Variants in PPFIA2 observed in about 807,000 individuals in gnomAD.
PPFIA2 encodes PPFI scaffold protein A2, also known as liprin-alpha-2.
In PPFIA2, 46 loss-of-function variants were observed where a neutral mutation model predicts 175.5. The ratio of observed to expected loss-of-function variants is 0.26; its 90% CI spans 0.21 to 0.34. The LOEUF (loss-of-function observed/expected upper bound fraction) is 0.34. Among genes scored for constraint, PPFIA2 ranks in the 10% least tolerant of loss-of-function variants. The probability of loss-of-function intolerance (pLI) is 1.00; values close to 1 mark genes in which losing one functional copy is unlikely to be tolerated. For synonymous variants in PPFIA2, 568 were observed against 511.4 expected (o/e 1.11, Z -1.49); for missense variants, 1,179 against 1,506.1 (o/e 0.78, Z 3.60).
intron 22 of PPFIA2, among the ~76,000 whole-genome samples, chr12:81,300,877 G>A (rs2047655936): frequency 1.3e-5 from 2 of 152,046 alleles, no homozygotes; most frequent in African/African-American, 2.4e-5. Context: ...CACCTGTTGT[G>A]GACTGAGACT....
intron 6 of PPFIA2, among the ~76,000 whole-genome samples, chr12:81,440,821 T>C (rs1449540685): frequency 1.3e-5 from 2 of 149,886 alleles, no homozygotes; most frequent in Non-Finnish European, 3.0e-5. Context: ...CTGATATATA[T>C]ATATATATAT....
chr12:81,573,662 C>G lies in PPFIA2; in HGVS notation c.303+103129G>C, dbSNP rs372498206. The stretch of plus-strand genomic sequence containing the variant: ...ACCACCACAATCATGAAGCACGCCT[C>G]TATCTCCCCAACTATGAATGTATAC... On this transcript the variant is annotated intron_variant, in intron 4 of 32. Transcript: ENST00000549396. Among the ~76,000 whole-genome samples the G allele has an allele frequency of 2.6e-5, 4 of 151,960 alleles. No homozygotes were observed. In the East Asian group the frequency reaches 7.8e-4, roughly 29 times the overall value.
At chr12:81,623,947 G>A (rs1178643213) in intron 4 of PPFIA2, among the ~76,000 whole-genome samples, 2 of 151,642 alleles carry the variant, frequency 1.3e-5, no homozygotes, top group Non-Finnish European at 2.9e-5. Context: ...AGAAAATTAT[G>A]CCAACAATCC....
chr12:81,568,873 A>G (rs982944635), intron 4 of PPFIA2, among the ~76,000 whole-genome samples: 3 of 152,176 alleles, frequency 2.0e-5, no homozygotes, highest in African/African-American at 7.2e-5. Flanking sequence ...GGAAATTAAA[A>G]CAATTCAGAT....
intron 4 of PPFIA2, among the ~76,000 whole-genome samples, chr12:81,638,367 TC>T (rs1432665720): frequency 6.6e-6 from 1 of 151,980 alleles, no homozygotes; most frequent in African/African-American, 2.4e-5. Flanking sequence ...GTAAAGTGGA[TC>T]TAGAGCTCAG....
intron 7 of PPFIA2, among the ~76,000 whole-genome samples, chr12:81,414,947 T>A (rs1592627501): frequency 6.6e-6 from 1 of 150,676 alleles, no homozygotes; most frequent in East Asian, 1.9e-4. Context: ...AGCTCTGCAT[T>A]TGGAAATAAG....
At chr12:81,615,488 T>C (rs927323476) in intron 4 of PPFIA2, among the ~76,000 whole-genome samples, 1 of 152,108 alleles carries the variant, frequency 6.6e-6, no homozygotes, top group South Asian at 2.1e-4. Context: ...TTCCAACAAT[T>C]AGAGCCCTGG....
chr12:81,542,077 C>A (rs1239269501), intron 4 of PPFIA2, among the ~76,000 whole-genome samples: 1 of 151,936 alleles, frequency 6.6e-6, no homozygotes, highest in Admixed American at 6.6e-5. Context: ...ACGAACATTA[C>A]CTTATATGGC....
At chr12:81,554,295 T>C (rs2068463324) in intron 4 of PPFIA2, among the ~76,000 whole-genome samples, 1 of 151,986 alleles carries the variant, frequency 6.6e-6, no homozygotes, top group Non-Finnish European at 1.5e-5. Context: ...TGATGGCAAC[T>C]CAAATTTTCC....
intron 3 of PPFIA2, among the ~76,000 whole-genome samples, chr12:81,696,500 C>A (rs747058237): frequency 6.6e-6 from 1 of 152,082 alleles, no homozygotes; most frequent in Non-Finnish European, 1.5e-5. Flanking sequence ...TTAAACCTTG[C>A]ATATTTAATT....
At chr12:81,648,458 T>G (rs1342417039) in intron 4 of PPFIA2, among the ~76,000 whole-genome samples, 1 of 151,824 alleles carries the variant, frequency 6.6e-6, no homozygotes, top group Non-Finnish European at 1.5e-5. Flanking sequence ...AAAATGGAAA[T>G]TAAAATATTA....
intron 4 of PPFIA2, among the ~76,000 whole-genome samples, chr12:81,555,227 T>C (rs2068642196): frequency 1.3e-5 from 2 of 151,994 alleles, no homozygotes; most frequent in South Asian, 4.1e-4. Flanking sequence ...GACAACCTTT[T>C]TAATAGTCTT....
intron 4 of PPFIA2, among the ~76,000 whole-genome samples, chr12:81,496,108 A>G (rs919387743): frequency 2.6e-5 from 4 of 152,176 alleles, no homozygotes; most frequent in South Asian, 4.1e-4. Context: ...GCAATGCACA[A>G]TAAAAGAATT....
chr12:81,732,323 T>TA (rs1278782139), intron 3 of PPFIA2, among the ~76,000 whole-genome samples: 13 of 151,514 alleles, frequency 8.6e-5, no homozygotes, highest in Admixed American at 6.6e-4. Flanking sequence ...GATTTTGCAG[T>TA]AAAAATACCG....
intron 4 of PPFIA2, among the ~76,000 whole-genome samples, chr12:81,581,037 C>T (rs944338827): frequency 4.0e-5 from 6 of 151,450 alleles, no homozygotes; most frequent in Admixed American, 3.3e-4. Context: ...TATATTGCAC[C>T]GGACTCTGAA....
At chr12:81,272,506 T>C (rs1345555647) in intron 28 of PPFIA2, among the ~76,000 whole-genome samples, 3 of 152,100 alleles carry the variant, frequency 2.0e-5, no homozygotes, top group African/African-American at 7.2e-5. Flanking sequence ...TTTCACTTCT[T>C]CAAATTTCCA....
chr12:81,534,414 T>A (rs1358845999), intron 4 of PPFIA2, among the ~76,000 whole-genome samples: 2 of 151,718 alleles, frequency 1.3e-5, no homozygotes, highest in Non-Finnish European at 1.5e-5. Flanking sequence ...TATTATTACA[T>A]GTTCTATGCA....
At chr12:81,456,916 A>C (rs758770308) in intron 5 of PPFIA2, among the ~76,000 whole-genome samples, 43 of 152,226 alleles carry the variant, frequency 2.8e-4, no homozygotes, top group Non-Finnish European at 5.3e-4. Flanking sequence ...GAAATTTATT[A>C]AAACATAAAG....
intron 7 of PPFIA2, among the ~76,000 whole-genome samples, chr12:81,436,212 T>C (rs1194174632): frequency 1.5e-5 from 2 of 131,526 alleles, no homozygotes; most frequent in East Asian, 2.3e-4. Context: ...GGCTAAGAGG[T>C]GGAGGGTGCA....
Sources: allele counts gnomAD v4.1 joint callset (sites outside exome capture counted in the v4.1 genomes callset), GRCh38; gene constraint gnomAD v4.1.1; transcripts MANE v1.5; gene names NCBI Gene and HGNC (gene_info 2026-07-23, HGNC 2026-07-21).